Variants in TRMT11 observed in about 807,000 individuals in gnomAD.
TRMT11 encodes tRNA (guanine(10)-N(2))-methyltransferase TRMT11.
A neutral mutation model predicts 62.8 loss-of-function variants in TRMT11; 53 were observed. The observed-to-expected ratio is 0.84, with a 90% CI of 0.68 to 1.06. The LOEUF is 1.06. Among genes scored for constraint, TRMT11 ranks in the 50% least tolerant of loss-of-function variants. The pLI is 0.00. For synonymous variants in TRMT11, 188 were observed against 190.3 expected, an observed-to-expected ratio of 0.99 and a Z score of 0.10; for missense variants, 556 against 553.4, an observed-to-expected ratio of 1.00 and a Z score of -0.05.
At chr6:126,217,054 G>A in the TRMT11 span, among the ~76,000 whole-genome samples, 2 of 152,114 alleles carry the variant, frequency 1.3e-5, no homozygotes, top group Admixed American at 1.3e-4. Flanking sequence ...TATGTCAGTT[G>A]TGTTTTTCAA....
At position 125,993,816 on chromosome 6, in the gene TRMT11, T is replaced by G; in HGVS notation, c.132T>G (p.Tyr44Ter). ...AGTTTGCCAGCAGTCAAGAAACTTA[T>G]GGAAAGGTAAGTTAAATTTTCATTA... ...GGQFASSQET[Y>*]GKSPFWILSI... is the part of the protein sequence containing the mutation. The change falls in exon 2 of 13, where the codon TAT becomes TAG. Residue 44 changes from tyrosine (Y) to a stop codon, truncating the protein, a stop_gained. Coordinates refer to ENST00000334379, the MANE Select transcript of TRMT11 (RefSeq NM_001031712.3). LOFTEE classifies it high-confidence loss of function. 1 of 1,606,528 alleles carries G rather than the reference T, an allele frequency of 6.2e-7. No individual in the cohort carries two copies. Among genetic ancestry groups the G allele is most frequent in the Non-Finnish European group, 8.5e-7 (1 of 1,173,538 alleles).
intron 21 of TRMT11, among the ~76,000 whole-genome samples, chr6:126,120,317 T>C (rs1225713013): frequency 1.3e-5 from 2 of 152,130 alleles, no homozygotes; most frequent in Non-Finnish European, 2.9e-5. Context: ...ATCTCAAACA[T>C]ATAAAATAGG....
chr6:126,176,044 T>C (rs1449894218), upstream of TRMT11, among the ~76,000 whole-genome samples: 8 of 152,206 alleles, frequency 5.3e-5, no homozygotes, highest in East Asian at 1.5e-3. Context: ...ATAACATCAT[T>C]AAGCAAGTTT....
chr6:126,131,666 T>C (rs901540378), intron 21 of TRMT11, among the ~76,000 whole-genome samples: 7 of 152,008 alleles, frequency 4.6e-5, no homozygotes, highest in African/African-American at 1.7e-4. Flanking sequence ...AGTTTCAGGC[T>C]CTTGATTTTT....
At chr6:126,035,984 C>G (rs1746176822) in intron 12 of TRMT11, among the ~76,000 whole-genome samples, 1 of 152,108 alleles carries the variant, frequency 6.6e-6, no homozygotes, top group Non-Finnish European at 1.5e-5. Context: ...CAGCTTAGGT[C>G]AGCTAGGCAC....
chr6:126,137,769 A>G (rs1445369427), intron 21 of TRMT11, among the ~76,000 whole-genome samples: 1 of 151,940 alleles, frequency 6.6e-6, no homozygotes, highest in Non-Finnish European at 1.5e-5. Context: ...TATATACACA[A>G]CGGAATATCA....
At chr6:126,122,049 T>C (rs1777655693) in intron 21 of TRMT11, among the ~76,000 whole-genome samples, 1 of 152,046 alleles carries the variant, frequency 6.6e-6, no homozygotes, top group South Asian at 2.1e-4. Context: ...ATGCTGTTCT[T>C]GTGATAGTGA....
chr6:126,117,752 A>T (rs1777606755), intron 21 of TRMT11, among the ~76,000 whole-genome samples: 1 of 152,046 alleles, frequency 6.6e-6, no homozygotes, highest in African/African-American at 2.4e-5. Context: ...GCCCTTCAAA[A>T]ATGTTTTTAA....
At chr6:126,146,569 G>A (rs1296960581) in intron 21 of TRMT11, among the ~76,000 whole-genome samples, 25 of 151,082 alleles carry the variant, frequency 1.7e-4, no homozygotes, top group Non-Finnish European at 1.5e-5. Context: ...CCAGGTTGCA[G>A]TGCAATAGCG....
At chr6:126,258,022 C>T in the TRMT11 span, 3 of 1,493,960 alleles carry the variant, frequency 2.0e-6, no homozygotes, top group Non-Finnish European at 1.9e-6. Context: ...ACCAGCAGCT[C>T]CTCGACCCTG....
intron 21 of TRMT11, among the ~76,000 whole-genome samples, chr6:126,142,212 T>C (rs773983185): frequency 3.3e-5 from 5 of 152,048 alleles, no homozygotes; most frequent in African/African-American, 9.7e-5. Flanking sequence ...ATAAATAATA[T>C]ACTGGAGAGA....
At chr6:126,014,839 C>T (rs866122214) in intron 11 of TRMT11, among the ~76,000 whole-genome samples, 1 of 151,914 alleles carries the variant, frequency 6.6e-6, no homozygotes, top group Non-Finnish European at 1.5e-5. Context: ...GTGAAATGAC[C>T]TATCTAAAGT....
At chr6:126,262,332 A>G in the TRMT11 span, among the ~76,000 whole-genome samples, 5 of 152,180 alleles carry the variant, frequency 3.3e-5, no homozygotes, top group Non-Finnish European at 7.4e-5. Flanking sequence ...AGCTAGCTGC[A>G]TGGTAGTATT....
intron 12 of TRMT11, among the ~76,000 whole-genome samples, chr6:126,030,063 A>G (rs753223959): frequency 6.6e-6 from 1 of 152,196 alleles, no homozygotes; most frequent in Non-Finnish European, 1.5e-5. Context: ...GATTATATGT[A>G]AATACCTAAT....
chr6:126,017,851 G>A (rs1795211715), intron 11 of TRMT11, among the ~76,000 whole-genome samples: 1 of 152,192 alleles, frequency 6.6e-6, no homozygotes, highest in Non-Finnish European at 1.5e-5. Context: ...TTGCAATCAT[G>A]TGTACAGGGC....
intron 2 of TRMT11, among the ~76,000 whole-genome samples, chr6:125,994,681 A>G (rs1020298932): frequency 7.2e-5 from 11 of 152,256 alleles, no homozygotes; most frequent in Non-Finnish European, 1.3e-4. Context: ...AGCACTATTC[A>G]CAATAGCAAA....
At chr6:126,253,068 A>T in the TRMT11 span, among the ~76,000 whole-genome samples, 1 of 151,828 alleles carries the variant, frequency 6.6e-6, no homozygotes, top group Non-Finnish European at 1.5e-5. Flanking sequence ...TCTTTAGGAA[A>T]ATAATGAAGT....
chr6:126,104,854 A>G (rs912013576), intron 17 of TRMT11, among the ~76,000 whole-genome samples: 2 of 152,144 alleles, frequency 1.3e-5, no homozygotes, highest in African/African-American at 2.4e-5. Context: ...ATTGAAACCT[A>G]ATGATAAAGA....
chr6:126,051,997 T>C lies in TRMT11; in HGVS notation c.*1370-1126T>C, dbSNP rs188788407. On this transcript the variant is annotated intron_variant and NMD_transcript_variant, in intron 16 of 22. Coordinates refer to the TRMT11 transcript ENST00000648977. ...TGTGCCGTTTTCCCCCAGCATGATA[T>C]ATATATTTGGCAAAGAGAATTGACA... 7.2e-5 allele frequency among the ~76,000 whole-genome samples: 11 copies of C among 152,318 alleles called. No homozygotes were observed. The East Asian group carries it at 1.4e-3, about 19-fold the overall frequency.
Sources: allele counts gnomAD v4.1 joint callset (sites outside exome capture counted in the v4.1 genomes callset), GRCh38; gene constraint gnomAD v4.1.1; transcripts MANE v1.5; gene names NCBI Gene and HGNC (gene_info 2026-07-23, HGNC 2026-07-21).